GTPBP4: variants seen among roughly 807,000 people sequenced by gnomAD.
GTPBP4 encodes the protein GTP binding protein 4, also known as GTP-binding protein 4.
GTPBP4 carries 15 observed loss-of-function variants against 81.7 expected under a neutral mutation model. That is an observed-to-expected ratio of 0.18 (90% CI 0.12 to 0.28). The LOEUF (loss-of-function observed/expected upper bound fraction) is 0.28, where lower values mean the gene tolerates loss of function less well. GTPBP4 is among the 10% of genes least tolerant of loss of function. The probability of loss-of-function intolerance (pLI) is 1.00; values close to 1 mark genes in which losing one functional copy is unlikely to be tolerated. For missense variants in GTPBP4, 847 were observed against 793.8 expected (o/e 1.07, Z -0.81); for synonymous variants, 272 against 274.6 (o/e 0.99, Z 0.09).
At chr10:989,525 G>A (rs1457590354) in intron 1 of GTPBP4, among the ~76,000 whole-genome samples, 3 of 152,100 alleles carry the variant, frequency 2.0e-5, no homozygotes, top group Non-Finnish European at 4.4e-5. Context: ...ACTCCTGCAC[G>A]AGAGGGAGTT....
chr10:1,011,371 C>T lies in GTPBP4; in HGVS notation c.1344+851C>T, dbSNP rs552034426. On this transcript the variant is annotated intron_variant, in intron 13 of 16. Transcript: ENST00000360803. Reference sequence around the variant, plus strand: ...TTAAAAAACGAAAACATCCTTAGACCGTGTCCTCCATTAGTTGCTATCCTG... The same window carrying T: ...TTAAAAAACGAAAACATCCTTAGACTGTGTCCTCCATTAGTTGCTATCCTG... 4.1e-5 allele frequency among the ~76,000 whole-genome samples: 6 copies of T among 147,414 alleles called. 1 individual carries two copies. The highest frequency in any genetic ancestry group is 1.2e-4 in the African/African-American group (5 of 40,334).
At chr10:1,016,735 A>G (rs1412365640) in intron 16 of GTPBP4, among the ~76,000 whole-genome samples, 1 of 152,262 alleles carries the variant, frequency 6.6e-6, no homozygotes, top group Non-Finnish European at 1.5e-5. Flanking sequence ...TCTTTATACA[A>G]AAATACTCAT....
intron 13 of GTPBP4, among the ~76,000 whole-genome samples, chr10:1,011,845 C>T (rs138605158): frequency 2.6e-4 from 39 of 152,366 alleles, no homozygotes; most frequent in East Asian, 1.7e-3. Context: ...CTGCAGTGCG[C>T]GCTCTTGGGC....
At chr10:993,842 C>G (rs925426666) in intron 2 of GTPBP4, among the ~76,000 whole-genome samples, 3 of 151,800 alleles carry the variant, frequency 2.0e-5, no homozygotes, top group African/African-American at 7.3e-5. Context: ...TCCCTGCAAC[C>G]TCCACCTCCC....
chr10:1,012,619 A>G lies in GTPBP4; in HGVS notation c.1499A>G (p.Glu500Gly), dbSNP rs1207248412. Reference protein sequence around the residue: ...KKKLKILESKEKNTQGPRMPR... With the variant: ...KKKLKILESKGKNTQGPRMPR... ...AAGTTGAAAATTCTGGAGTCCAAAG[A>G]AAAGAATACACAGGGACCCAGGATG... is the stretch of plus-strand genomic sequence containing the variant. The change falls in exon 14 of 17, where the codon GAA becomes GGA. Residue 500 changes from glutamate to glycine, a missense_variant. Coordinates refer to ENST00000360803, the MANE Select transcript of GTPBP4 (RefSeq NM_012341.3). The G allele has an allele frequency of 1.5e-5, 25 of 1,614,046 alleles. No homozygotes were observed. The highest frequency in any genetic ancestry group is 1.9e-5 in the Non-Finnish European group (23 of 1,179,938).
At chr10:995,836 C>T (rs1831528443) in intron 2 of GTPBP4, 93 bp from the exon 3 acceptor site, 3 of 715,800 alleles carry the variant, frequency 4.2e-6, no homozygotes, top group African/African-American at 1.8e-5. Context: ...ACACTGCAGG[C>T]GTGGAGGGAG....
chr10:1,012,660 A>C lies in GTPBP4; in HGVS notation c.1540A>C (p.Lys514Gln). ...ACCCAGGATGCCGCGAACTGCTAAG[A>C]AGGCAAGTTTGTGTCTTTCCAAAGC... ...QGPRMPRTAK[K>Q]VQRTVLEKEM... Residue 514 changes from lysine to glutamine, a missense_variant and splice_region_variant, in exon 14 of 17, where the codon AAG becomes CAG. By Grantham distance (53) the Lys-to-Gln change is moderately conservative. Transcript: ENST00000360803. 6.2e-7 allele frequency: 1 copy of C among 1,609,478 alleles called. No individual in the cohort carries two copies. Among genetic ancestry groups the C allele is most frequent in the Non-Finnish European group, 8.5e-7 (1 of 1,176,868 alleles).
In GTPBP4 at chr10:999,046, C is replaced by A. The variant is rs1318251865; in HGVS notation, c.605C>A (p.Thr202Asn). The A allele has an allele frequency of 6.2e-7, 1 of 1,609,306 alleles. No homozygotes were observed. ...GATGTCCAGCCCTATGCGTTCACAA[C>A]CAAGTCTCTGTTTGTTGGGCACATG... ...DVDVQPYAFT[T>N]KSLFVGHMDY... The change falls in exon 6 of 17, where the codon ACC becomes AAC. Residue 202 changes from threonine (T) to asparagine (N), a missense_variant. This residue lies in a region of GTPBP4 where 600 missense variants were observed against 557.1 expected (regional missense o/e 1.08). Coordinates refer to ENST00000360803, the MANE Select transcript of GTPBP4 (RefSeq NM_012341.3).
At chr10:1,012,421 T>G in intron 13 of GTPBP4, 44 bp from the exon 14 acceptor site, 1 of 1,361,804 alleles carries the variant, frequency 7.3e-7, no homozygotes, top group Non-Finnish European at 1.0e-6. Context: ...ACTCAGGGGT[T>G]TTCTCATTGT....
In GTPBP4 at chr10:1,019,574, C is replaced by A. The variant is rs138894690; in HGVS notation, c.*2347C>A. The stretch of plus-strand genomic sequence containing the variant: ...ACGGGGTCACGTCATCCAGGTGAGG[C>A]CACCACCGGTACAGAAACCTCTCGG... On this transcript the variant is annotated 3_prime_UTR_variant, in exon 17 of 17. Transcript: ENST00000360803. 27 of 1,613,862 alleles carry A rather than the reference C, an allele frequency of 1.7e-5. No individual in the cohort carries two copies. Among genetic ancestry groups the A allele is most frequent in the East Asian group, 6.7e-5 (3 of 44,856 alleles).
chr10:1,017,218 C>A lies in GTPBP4; in HGVS notation c.1896C>A (p.Asp632Glu). Reference protein sequence around the residue: ...LSGKRKAGKKDRR With the variant: ...LSGKRKAGKKERR Reference sequence around the variant, plus strand: ...GGAAGAGGAAAGCTGGTAAAAAGGACAGGAGATAGTATCCGTTTGGTTGGC... The same window carrying A: ...GGAAGAGGAAAGCTGGTAAAAAGGAAAGGAGATAGTATCCGTTTGGTTGGC... Residue 632 changes from aspartate to glutamate, a missense_variant, in exon 17 of 17, where the codon GAC (aspartate) becomes GAA (glutamate). This residue lies in a region of GTPBP4 where 600 missense variants were observed against 557.1 expected (regional missense o/e 1.08). Coordinates refer to ENST00000360803, the MANE Select transcript of GTPBP4 (RefSeq NM_012341.3). 6.2e-7 allele frequency: 1 copy of A among 1,613,868 alleles called. No homozygotes were observed. Among genetic ancestry groups the A allele is most frequent in the Non-Finnish European group, 8.5e-7 (1 of 1,179,840 alleles).
At chr10:997,119 A>G (rs1464194399) in intron 4 of GTPBP4, 89 bp from the exon 5 acceptor site, 2 of 795,726 alleles carry the variant, frequency 2.5e-6, no homozygotes, top group Middle Eastern at 2.5e-4. Context: ...ATATCACCAT[A>G]GGCCTGGACT....
At position 1,010,847 on chromosome 10, in the gene GTPBP4, T is replaced by TCC. The variant is rs1554817022; in HGVS notation, c.1344+327_1344+328insCC. ...CTGCACCTCTTCCCTGTCCCGACAC[T>TCC]GGTGGAGATGCTGGGCCCCTTCATT... On this transcript the variant is annotated intron_variant, in intron 13 of 16. Coordinates refer to ENST00000360803, the MANE Select transcript of GTPBP4 (RefSeq NM_012341.3). Among the ~76,000 whole-genome samples the TCC allele has an allele frequency of 1.1e-3, 154 of 144,660 alleles. 3 individuals are homozygous for TCC. The highest frequency in any genetic ancestry group is 1.8e-3 in the Non-Finnish European group (118 of 66,118). 94.9% of individuals were successfully genotyped at this position (144,660 alleles called of 152,430 possible).
Position 1,015,576 on chromosome 10 carries a change from AGC to A in GTPBP4, c.1609-174_1609-173del, listed in dbSNP as rs1564472357. Among the ~76,000 whole-genome samples, 411 of 128,528 alleles carry A rather than the reference AGC, an allele frequency of 3.2e-3. 88 individuals are homozygous for A. The highest frequency in any genetic ancestry group is 0.012 in the African/African-American group (375 of 30,882). 84.3% of individuals were successfully genotyped at this position (128,528 alleles called of 152,430 possible). A position where few individuals can be genotyped will look rare whatever the true frequency, so the allele number is the denominator to read the frequency against. On this transcript the variant is annotated intron_variant, in intron 15 of 16. Coordinates refer to ENST00000360803, the MANE Select transcript of GTPBP4 (RefSeq NM_012341.3). ...GCCTGGGAGCGGGGCTGGGGTCCTG[AGC>A]GCTGAGCCTGGGAGCGGGGCTGGGG...
In GTPBP4 at chr10:1,016,937, A is replaced by G. The variant is rs1832004085; in HGVS notation, c.1753-138A>G. 9 of 625,030 alleles carry G rather than the reference A, an allele frequency of 1.4e-5. No individual in the cohort carries two copies. The South Asian group carries it at 1.7e-4, about 12-fold the overall frequency. 38.7% of individuals were successfully genotyped at this position (625,030 alleles called of 1,614,324 possible). A position where few individuals can be genotyped will look rare whatever the true frequency, so the allele number is the denominator to read the frequency against. On this transcript the variant is annotated intron_variant, in intron 16 of 16. Coordinates refer to ENST00000360803, the MANE Select transcript of GTPBP4 (RefSeq NM_012341.3). ...AACAGGGATAACTGTGCTGGGCTTA[A>G]GAGAAAAGAGATGTAACAGGGTCTC...
chr10:1,014,428 G>A (rs180987048), intron 15 of GTPBP4, 116 bp downstream of exon 15: 7 of 688,106 alleles, frequency 1.0e-5, no homozygotes, highest in Middle Eastern at 2.7e-4. Flanking sequence ...AGGCCAAGGC[G>A]GGCAGATCAT....
At chr10:1,010,649 G>A in intron 13 of GTPBP4, 129 bp downstream of exon 13, 2 of 700,900 alleles carry the variant, frequency 2.9e-6, no homozygotes, top group Non-Finnish European at 2.6e-6. Context: ...TCCTGACTCT[G>A]CCCCCTGTAC....
At chr10:1,013,797 CCTGTTTGAA>C (rs749066626) in intron 14 of GTPBP4, among the ~76,000 whole-genome samples, 2 of 152,138 alleles carry the variant, frequency 1.3e-5, no homozygotes, top group African/African-American at 2.4e-5. Flanking sequence ...AGTGGGTCTT[CCTGTTTGAA>C]TACACTGTTT....
chr10:1,013,623 T>A (rs1361397718), intron 14 of GTPBP4, among the ~76,000 whole-genome samples: 2 of 151,822 alleles, frequency 1.3e-5, no homozygotes, highest in African/African-American at 4.8e-5. Flanking sequence ...AAATAAAAAA[T>A]TTAAAAAAAA....
Sources: allele counts gnomAD v4.1 joint callset (sites outside exome capture counted in the v4.1 genomes callset), GRCh38; gene constraint gnomAD v4.1.1; regional missense constraint gnomAD v4.1.1; transcripts MANE v1.5; gene names NCBI Gene and HGNC (gene_info 2026-07-23, HGNC 2026-07-21).